The following PDE7B variants were observed in gnomAD, a reference collection of about 807,000 sequenced individuals.
The protein encoded by PDE7B is phosphodiesterase 7B.
A neutral mutation model predicts 56.2 loss-of-function variants in PDE7B; 29 were observed. That is an observed-to-expected ratio of 0.52 (90% CI 0.38 to 0.70). PDE7B has a LOEUF of 0.70. Ranked by LOEUF, PDE7B falls within the 30% of genes least tolerant of loss-of-function variation. The pLI, the probability that PDE7B is intolerant of heterozygous loss-of-function variation, is 0.00. For synonymous variants in PDE7B, 197 were observed against 196.9 expected (o/e 1.00, Z 0.00); for missense variants, 490 against 565.0 (o/e 0.87, Z 1.35).
At chr6:135,880,993 C>A (rs1400424791) in intron 1 of PDE7B, among the ~76,000 whole-genome samples, 1 of 152,130 alleles carries the variant, frequency 6.6e-6, no homozygotes, top group East Asian at 1.9e-4. Flanking sequence ...CAGGGTAAAT[C>A]TCAGACCAGG....
intron 3 of PDE7B, among the ~76,000 whole-genome samples, chr6:136,145,536 T>G (rs747041918): frequency 1.3e-5 from 2 of 152,178 alleles, no homozygotes; most frequent in Non-Finnish European, 2.9e-5. Context: ...TTCTAGGCAC[T>G]TCTAGAGTGT....
intron 1 of PDE7B, among the ~76,000 whole-genome samples, chr6:135,893,991 A>T (rs970051301): frequency 1.4e-4 from 21 of 152,206 alleles, no homozygotes; most frequent in African/African-American, 5.1e-4. Context: ...ATATTCATGC[A>T]TAATTTATAT....
At chr6:136,089,698 C>T (rs879899881) in intron 2 of PDE7B, among the ~76,000 whole-genome samples, 1 of 152,158 alleles carries the variant, frequency 6.6e-6, no homozygotes, top group Non-Finnish European at 1.5e-5. Context: ...TTATATAGGG[C>T]ATATTCCCAA....
intron 1 of PDE7B, among the ~76,000 whole-genome samples, chr6:135,910,763 C>T (rs1776197783): frequency 6.6e-6 from 1 of 152,160 alleles, no homozygotes; most frequent in Non-Finnish European, 1.5e-5. Context: ...CCGGCTCCAC[C>T]CACTACCTTC....
rs73561312 is a variant in PDE7B at position 136,097,808 on chromosome 6, A to G, written c.83-10923A>G. Among the ~76,000 whole-genome samples the G allele has an allele frequency of 7.5e-3, 1,139 of 151,974 alleles. 13 individuals carry two copies. Among genetic ancestry groups the G allele is most frequent in the African/African-American group, 0.025 (1,047 of 41,438 alleles). ...TCCCGCCGACCTTGTTCTCCTTGCT[A>G]TGTCACACTTGGCTTTGTTATGATC... On this transcript the variant is annotated intron_variant, in intron 2 of 12. Coordinates refer to ENST00000308191, the MANE Select transcript of PDE7B (RefSeq NM_018945.4).
At chr6:136,182,533 G>A (rs1779082947) in intron 11 of PDE7B, among the ~76,000 whole-genome samples, 1 of 152,218 alleles carries the variant, frequency 6.6e-6, no homozygotes, top group Admixed American at 6.5e-5. Context: ...CAATGAAACA[G>A]AGGAAAGAGT....
chr6:135,872,024 T>C (rs1267285541), intron 1 of PDE7B, among the ~76,000 whole-genome samples: 1 of 152,106 alleles, frequency 6.6e-6, no homozygotes, highest in East Asian at 1.9e-4. Context: ...GCGGGAGAAA[T>C]TTTATTCATA....
At chr6:136,022,776 T>C (rs1356401217) in intron 2 of PDE7B, among the ~76,000 whole-genome samples, 1 of 152,242 alleles carries the variant, frequency 6.6e-6, no homozygotes, top group Non-Finnish European at 1.5e-5. Flanking sequence ...AGCAGCTGTT[T>C]GTGTCTGTGC....
In PDE7B at chr6:136,125,974, T is replaced by TA. The variant is rs112044793; in HGVS notation, c.166+17169dup. Among the ~76,000 whole-genome samples the TA allele has an allele frequency of 1.8e-3, 272 of 151,566 alleles. 2 individuals are homozygous for TA. The highest frequency in any genetic ancestry group is 4.8e-3 in the African/African-American group (200 of 41,340). On this transcript the variant is annotated intron_variant, in intron 3 of 12. Coordinates refer to ENST00000308191, the MANE Select transcript of PDE7B (RefSeq NM_018945.4). ...CTACAGCCTACTTATTCTCATAAGT[T>TA]AAAAAAAAATCATAATAAGGCCCTA...
rs926284774 is a variant in PDE7B, at chr6:136,192,072, G to C, written c.*232G>C. On this transcript the variant is annotated 3_prime_UTR_variant, in exon 13 of 13. Transcript: ENST00000308191. Reference sequence around the variant, plus strand: ...AATGAGCAACTCCATTCAGTAACGTGGGAGCTGATCCCACGGGCAGGCTCT... The same window carrying C: ...AATGAGCAACTCCATTCAGTAACGTCGGAGCTGATCCCACGGGCAGGCTCT... 1 of 548,970 alleles carries C rather than the reference G, an allele frequency of 1.8e-6. No homozygotes were observed. Among genetic ancestry groups the C allele is most frequent in the African/African-American group, 1.9e-5 (1 of 52,762 alleles). The allele number at this position is 548,970 out of a possible 1,614,324, so 34.0% of individuals were successfully genotyped here. A position where few individuals can be genotyped will look rare whatever the true frequency, so the allele number is the denominator to read the frequency against.
intron 3 of PDE7B, among the ~76,000 whole-genome samples, chr6:136,117,629 G>C (rs1777861660): frequency 6.6e-6 from 1 of 152,170 alleles, no homozygotes; most frequent in African/African-American, 2.4e-5. Context: ...GTCCCAAGAA[G>C]AAGGTGGCCA....
chr6:136,016,817 A>G (rs1775986279), intron 2 of PDE7B, among the ~76,000 whole-genome samples: 1 of 152,240 alleles, frequency 6.6e-6, no homozygotes. Context: ...AAATTCTCTT[A>G]GATACACCTA....
intron 3 of PDE7B, among the ~76,000 whole-genome samples, chr6:136,147,095 T>C (rs902098598): frequency 1.3e-5 from 2 of 151,856 alleles, no homozygotes; most frequent in African/African-American, 4.8e-5. Context: ...TGAGCCAAGA[T>C]TGCACCACTG....
intron 1 of PDE7B, among the ~76,000 whole-genome samples, chr6:135,922,422 A>G (rs1393591930): frequency 1.3e-5 from 2 of 152,048 alleles, no homozygotes; most frequent in Non-Finnish European, 2.9e-5. Context: ...GGGGTGAGTC[A>G]CTCTCTTATT....
chr6:136,019,257 G>A (rs1403783837), intron 2 of PDE7B, among the ~76,000 whole-genome samples: 3 of 152,028 alleles, frequency 2.0e-5, no homozygotes, highest in Admixed American at 2.0e-4. Context: ...ATTACAGGGT[G>A]CTTTGCAAGA....
At chr6:136,101,999 G>A (rs749165785) in intron 2 of PDE7B, among the ~76,000 whole-genome samples, 12 of 152,326 alleles carry the variant, frequency 7.9e-5, no homozygotes, top group East Asian at 5.8e-4. Flanking sequence ...TACATCATGC[G>A]TAGTTGTTCC....
At chr6:135,853,627 T>C (rs1428944829) in intron 1 of PDE7B, among the ~76,000 whole-genome samples, 2 of 152,236 alleles carry the variant, frequency 1.3e-5, no homozygotes, top group African/African-American at 4.8e-5. Flanking sequence ...AATTTTTACC[T>C]GACACTGTAA....
intron 1 of PDE7B, among the ~76,000 whole-genome samples, chr6:135,915,624 C>T (rs548370501): frequency 1.3e-4 from 20 of 152,164 alleles, no homozygotes; most frequent in South Asian, 2.1e-4. Flanking sequence ...TTGGCAAGTG[C>T]GCACCCCTTA....
At chr6:135,945,490 T>A (rs1222947897) in intron 1 of PDE7B, among the ~76,000 whole-genome samples, 1 of 147,336 alleles carries the variant, frequency 6.8e-6, no homozygotes. Flanking sequence ...CATCTCCACA[T>A]AATGTAGGCC....
Sources: allele counts gnomAD v4.1 joint callset (sites outside exome capture counted in the v4.1 genomes callset), GRCh38; gene constraint gnomAD v4.1.1; transcripts MANE v1.5; gene names NCBI Gene and HGNC (gene_info 2026-07-23, HGNC 2026-07-21).